Variants in STIM2 observed in about 807,000 individuals in gnomAD.
STIM2 encodes stromal interaction molecule 2.
Under a neutral mutation model 85.8 loss-of-function variants are expected in STIM2, and 31 were observed. That is an observed-to-expected ratio of 0.36 (90% CI 0.27 to 0.49). STIM2 has a LOEUF of 0.49. STIM2 is among the 20% of genes least tolerant of loss of function. The pLI is 0.98. For synonymous variants in STIM2, 356 were observed against 331.1 expected (o/e 1.08, Z -0.82); for missense variants, 841 against 927.6 (o/e 0.91, Z 1.21).
intron 1 of STIM2, among the ~76,000 whole-genome samples, chr4:26,898,835 C>T (rs1723803178): frequency 2.0e-5 from 3 of 152,036 alleles, no homozygotes; most frequent in Admixed American, 6.6e-5. Context: ...AATTCATTTT[C>T]TGTCTGCAGG....
At chr4:26,903,556 CAA>C (rs1724006732) in intron 1 of STIM2, among the ~76,000 whole-genome samples, 3 of 152,124 alleles carry the variant, frequency 2.0e-5, no homozygotes, top group East Asian at 1.9e-4. Context: ...TTAATTGAGA[CAA>C]GAGCATAAAA....
At chr4:26,873,849 G>A (rs1722720289) in intron 1 of STIM2, 6 of 1,084,320 alleles carry the variant, frequency 5.5e-6, no homozygotes, top group Non-Finnish European at 8.4e-6. Context: ...GGGTGGGTAC[G>A]TGAACCCATC....
Position 27,017,848 on chromosome 4 carries a change from C to G in STIM2, c.1627C>G (p.His543Asp). 6.2e-7 allele frequency: 1 copy of G among 1,614,186 alleles called. No individual in the cohort carries two copies. The highest frequency in any genetic ancestry group is 2.2e-5 in the East Asian group (1 of 44,884). Residue 543 changes from histidine to aspartate, a missense_variant, in exon 11 of 12, where the codon CAC (histidine) becomes GAC (aspartate). Physicochemically the swap from His to Asp is moderately conservative, Grantham distance 81. Coordinates refer to ENST00000467087, the MANE Select transcript of STIM2 (RefSeq NM_020860.4). ...CGCCCCCCACCCGTCACACCCTCGG[C>G]ACCCTCACCACCCGCAACACACACC...
intron 1 of STIM2, among the ~76,000 whole-genome samples, chr4:26,872,449 ATT>A (rs1273915167): frequency 1.3e-5 from 2 of 152,220 alleles, no homozygotes; most frequent in African/African-American, 2.4e-5. Context: ...ACTATAAAAA[ATT>A]TAGAACATAC....
chr4:26,895,510 C>T (rs1246355463), intron 1 of STIM2, among the ~76,000 whole-genome samples: 1 of 152,102 alleles, frequency 6.6e-6, no homozygotes, highest in African/African-American at 2.4e-5. Context: ...TCTCCTTTTC[C>T]TAACTTTTTT....
chr4:27,011,004 C>T (rs1299490087), intron 10 of STIM2, among the ~76,000 whole-genome samples: 1 of 152,136 alleles, frequency 6.6e-6, no homozygotes, highest in African/African-American at 2.4e-5. Context: ...CTTAAAGTGA[C>T]TGAAAATAAT....
At position 27,022,574 on chromosome 4, in the gene STIM2, A is replaced by C. The variant is rs1380502880; in HGVS notation, c.1819A>C (p.Lys607Gln). 1.9e-6 allele frequency: 3 copies of C among 1,610,478 alleles called. No individual in the cohort carries two copies. In the South Asian group the frequency reaches 3.3e-5, roughly 18 times the overall value. The change falls in exon 12 of 12, where the codon AAA (lysine) becomes CAA (glutamine). Residue 607 changes from lysine to glutamine, a missense_variant. Lys to Gln is a moderately conservative substitution (Grantham distance 53). Around this residue, in one of 3 missense-constraint regions of STIM2, gnomAD observed 293 missense variants for 284.5 expected, o/e 1.03. Transcript: ENST00000467087. Reference sequence around the variant, plus strand: ...CTCCTTAAATTCTTCCATTGGAAGGAAACAGTCTCCTCCTTTAAGCCTCGA... The same window carrying C: ...CTCCTTAAATTCTTCCATTGGAAGGCAACAGTCTCCTCCTTTAAGCCTCGA...
chr4:26,990,447 C>T (rs1274413152), intron 3 of STIM2, among the ~76,000 whole-genome samples: 1 of 152,068 alleles, frequency 6.6e-6, no homozygotes, highest in Non-Finnish European at 1.5e-5. Flanking sequence ...CAAAAATCAA[C>T]TCAAAATTGA....
Position 26,907,430 on chromosome 4 carries a change from C to T in STIM2, c.152-12074C>T, listed in dbSNP as rs566448384. Among the ~76,000 whole-genome samples the T allele has an allele frequency of 1.6e-4, 24 of 152,234 alleles. 1 individual carries two copies. In the South Asian group the frequency reaches 4.4e-3, roughly 28 times the overall value. The stretch of plus-strand genomic sequence containing the variant: ...GATGCTTTGCCTGATTCAGCTTTTA[C>T]GTGAAGGCTTTTTGCAGGCTGTTAA... On this transcript the variant is annotated intron_variant, in intron 1 of 11. Transcript: ENST00000467087.
intron 2 of STIM2, among the ~76,000 whole-genome samples, chr4:26,927,854 ATAAT>A (rs1298750921): frequency 7.4e-6 from 1 of 135,818 alleles, no homozygotes; most frequent in Admixed American, 7.2e-5. Flanking sequence ...ATATTAATAT[ATAAT>A]TATTATATAA....
rs181029639 is a variant in STIM2, at chr4:27,018,900, A to G, written c.1763+916A>G. On this transcript the variant is annotated intron_variant, in intron 11 of 11. Coordinates refer to ENST00000467087, the MANE Select transcript of STIM2 (RefSeq NM_020860.4). ...CTGTTATGTGCTGGTACTTGCTAAC[A>G]CATAAGCAGTATCATATGCCAAAGG... Among the ~76,000 whole-genome samples, 8 of 152,374 alleles carry G rather than the reference A, an allele frequency of 5.3e-5. No individual in the cohort carries two copies. In the East Asian group the frequency reaches 1.5e-3, roughly 29 times the overall value.
chr4:26,964,459 A>G (rs1318298772), intron 3 of STIM2, among the ~76,000 whole-genome samples: 4 of 152,170 alleles, frequency 2.6e-5, no homozygotes, highest in Non-Finnish European at 4.4e-5. Context: ...CAAATTCACT[A>G]TTGGCAGGAA....
intron 2 of STIM2, among the ~76,000 whole-genome samples, chr4:26,937,094 G>A (rs191287033): frequency 6.6e-6 from 1 of 152,160 alleles, no homozygotes; most frequent in Non-Finnish European, 1.5e-5. Context: ...GGTGCCTTTT[G>A]CTTTTTTCTG....
Position 27,002,249 on chromosome 4 carries a change from C to T in STIM2, c.658C>T (p.Leu220Phe). 6.2e-7 allele frequency: 1 copy of T among 1,610,348 alleles called. No individual in the cohort carries two copies. Among genetic ancestry groups the T allele is most frequent in the Non-Finnish European group, 8.5e-7 (1 of 1,178,864 alleles). ...TCATAACTGGATGAAAGATTTTATC[C>T]TCACAGTTTCTATAGTAATTGGTGT... The change falls in exon 6 of 12, where the codon CTC becomes TTC. Residue 220 changes from leucine to phenylalanine, a missense_variant. Physicochemically the swap from Leu to Phe is conservative, Grantham distance 22. Transcript: ENST00000467087.
At chr4:26,949,242 C>T (rs1725957074) in intron 2 of STIM2, among the ~76,000 whole-genome samples, 1 of 151,924 alleles carries the variant, frequency 6.6e-6, no homozygotes, top group South Asian at 2.1e-4. Flanking sequence ...ATGCTGAGTG[C>T]CACAAAGCTT....
At chr4:27,017,643 T>C (rs1246496225) in intron 10 of STIM2, 68 bp from the exon 11 acceptor site, 21 of 1,569,990 alleles carry the variant, frequency 1.3e-5, no homozygotes, top group Non-Finnish European at 1.7e-5. Flanking sequence ...CTTGTGTGTA[T>C]GTATTTGTGG....
chr4:27,022,754 G>A lies in STIM2; in HGVS notation c.1999G>A (p.Ala667Thr). The A allele has an allele frequency of 2.5e-6, 4 of 1,614,202 alleles. No individual in the cohort carries two copies. Among genetic ancestry groups the A allele is most frequent in the Non-Finnish European group, 3.4e-6 (4 of 1,180,042 alleles). ...AACTAAGAGTATGATCTTCAGTCCT[G>A]CAAGCAAAGTGTACAATGGCATTTT... Residue 667 changes from alanine to threonine, a missense_variant, in exon 12 of 12, where the codon GCA (alanine) becomes ACA (threonine). By Grantham distance (58) the Ala-to-Thr change is moderately conservative. This residue lies in a region of STIM2 where 293 missense variants were observed against 284.5 expected (regional missense o/e 1.03). Transcript: ENST00000467087.
chr4:27,012,438 G>C (rs1728591024), intron 10 of STIM2, among the ~76,000 whole-genome samples: 2 of 87,200 alleles, frequency 2.3e-5, no homozygotes, highest in Non-Finnish European at 4.7e-5. Context: ...TGCAGGTCTT[G>C]CTTTTTTTAA....
At chr4:26,909,641 G>A (rs553804147) in intron 1 of STIM2, among the ~76,000 whole-genome samples, 1 of 152,304 alleles carries the variant, frequency 6.6e-6, no homozygotes. Flanking sequence ...TTTGTTCACT[G>A]TAGCTTGTGT....
Sources: gnomAD v4.1 joint callset for allele counts (sites outside exome capture counted in the v4.1 genomes callset) on GRCh38, gnomAD v4.1.1 for gene constraint, gnomAD v4.1.1 regional missense constraint, MANE v1.5 for transcripts, NCBI Gene and HGNC (gene_info 2026-07-23, HGNC 2026-07-21) for gene names.